The following BRMS1L variants were observed in gnomAD, a reference collection of about 807,000 sequenced individuals.
BRMS1L encodes BRMS1 like transcriptional repressor.
BRMS1L carries 23 observed loss-of-function variants against 50.3 expected under a neutral mutation model. The observed-to-expected ratio is 0.46, with a 90% confidence interval of 0.33 to 0.65. BRMS1L has a LOEUF of 0.65. BRMS1L is among the 30% of genes least tolerant of loss of function. The pLI, the probability that BRMS1L is intolerant of heterozygous loss-of-function variation, is 0.02. For missense variants in BRMS1L, 286 were observed against 386.1 expected, an observed-to-expected ratio of 0.74 and a Z score of 2.17; for synonymous variants, 114 against 126.9, an observed-to-expected ratio of 0.90 and a Z score of 0.69.
At chr14:35,834,712 CAA>C (rs1234197432) in intron 3 of BRMS1L, 130 bp from the exon 4 acceptor site, 1 of 455,712 alleles carries the variant, frequency 2.2e-6, no homozygotes, top group African/African-American at 2.0e-5. Context: ...TCTTTAAAGA[CAA>C]AGTTAGACTC....
intron 4 of BRMS1L, among the ~76,000 whole-genome samples, chr14:35,847,646 T>G (rs754685353): frequency 4.6e-5 from 7 of 152,232 alleles, no homozygotes; most frequent in Non-Finnish European, 1.0e-4. Context: ...ATAGGCACAA[T>G]GTTGTATGGC....
intron 7 of BRMS1L, 66 bp from the exon 8 acceptor site, chr14:35,865,656 A>G: frequency 8.1e-7 from 1 of 1,234,194 alleles, no homozygotes; most frequent in Non-Finnish European, 1.1e-6. Flanking sequence ...TTAAATAGAT[A>G]CCAAAATATA....
chr14:35,853,818 T>C (rs2078245255), intron 4 of BRMS1L, among the ~76,000 whole-genome samples: 1 of 152,206 alleles, frequency 6.6e-6, no homozygotes. Context: ...TTGGAGGGGC[T>C]AATTTATCAA....
At chr14:35,840,864 A>G (rs765022655) in intron 4 of BRMS1L, among the ~76,000 whole-genome samples, 2 of 150,946 alleles carry the variant, frequency 1.3e-5, no homozygotes, top group African/African-American at 2.4e-5. Context: ...TTCTGCTCCA[A>G]TCTTTGTTAT....
Position 35,842,222 on chromosome 14 carries a change from A to T in BRMS1L, c.441+7299A>T, listed in dbSNP as rs138951919. Among the ~76,000 whole-genome samples the T allele has an allele frequency of 5.9e-5, 9 of 152,214 alleles. No homozygotes were observed. The East Asian group carries it at 1.7e-3, about 29-fold the overall frequency. ...GTGTGAATTTGATCCTGTCATTATGATGCTGTCTGGTTATTTTGCCTGTTA... is the reference window on the plus strand; with the variant it reads ...GTGTGAATTTGATCCTGTCATTATGTTGCTGTCTGGTTATTTTGCCTGTTA... On this transcript the variant is annotated intron_variant, in intron 4 of 9. Coordinates refer to ENST00000216807, the MANE Select transcript of BRMS1L (RefSeq NM_032352.4).
Position 35,871,217 on chromosome 14 carries a change from G to T in BRMS1L, c.*740G>T, listed in dbSNP as rs930161569. ...CTTTAGCGGCAGGTATTTATACCTG[G>T]TATTTATGATGCAGTATATAAGTGG... is the stretch of plus-strand genomic sequence containing the variant. On this transcript the variant is annotated 3_prime_UTR_variant, in exon 10 of 10. Coordinates refer to ENST00000216807, the MANE Select transcript of BRMS1L (RefSeq NM_032352.4). 2 of 152,474 alleles carry T rather than the reference G, an allele frequency of 1.3e-5. No homozygotes were observed. Among genetic ancestry groups the T allele is most frequent in the Non-Finnish European group, 2.9e-5 (2 of 67,998 alleles). 9.4% of individuals were successfully genotyped at this position (152,474 alleles called of 1,614,324 possible).
chr14:35,867,892 A>G lies in BRMS1L; in HGVS notation c.728-14A>G. The G allele has an allele frequency of 6.4e-7, 1 of 1,567,284 alleles. No homozygotes were observed. The highest frequency in any genetic ancestry group is 8.6e-7 in the Non-Finnish European group (1 of 1,165,090). On this transcript the variant is annotated splice_polypyrimidine_tract_variant and intron_variant, in intron 8 of 9. Transcript: ENST00000216807. ...GTTTTATTAATATAACAGTTTTTGA[A>G]CTGATCCCTTTAGCACCTGTGAAAC... is the stretch of plus-strand genomic sequence containing the variant.
intron 4 of BRMS1L, among the ~76,000 whole-genome samples, chr14:35,846,106 G>A (rs367682910): frequency 1.3e-5 from 2 of 152,150 alleles, no homozygotes; most frequent in Admixed American, 6.5e-5. Context: ...CAGGAAATGC[G>A]TTGGGTGCAG....
At position 35,849,570 on chromosome 14, in the gene BRMS1L, A is replaced by AT. The variant is rs552363344; in HGVS notation, c.442-13018dup. ...CAGCTTGGTCTCTCAAAATGTAGAA[A>AT]TTACAGGCATGAACCACTGCACCCA... is the stretch of plus-strand genomic sequence containing the variant. On this transcript the variant is annotated intron_variant, in intron 4 of 9. Coordinates refer to ENST00000216807, the MANE Select transcript of BRMS1L (RefSeq NM_032352.4). 1.2e-4 allele frequency among the ~76,000 whole-genome samples: 19 copies of AT among 152,180 alleles called. No homozygotes were observed. In the East Asian group the frequency reaches 3.1e-3, roughly 25 times the overall value.
chr14:35,870,142 C>T (rs994130497), intron 9 of BRMS1L, among the ~76,000 whole-genome samples: 3 of 149,268 alleles, frequency 2.0e-5, no homozygotes, highest in Non-Finnish European at 4.4e-5. Context: ...GTAAATTTTA[C>T]GAACTCTATT....
intron 4 of BRMS1L, among the ~76,000 whole-genome samples, chr14:35,853,915 G>A (rs1327800574): frequency 6.6e-6 from 1 of 151,936 alleles, no homozygotes; most frequent in East Asian, 1.9e-4. Flanking sequence ...TTTAATAATT[G>A]CCTTAAATTT....
chr14:35,851,292 A>G (rs572331094), intron 4 of BRMS1L, among the ~76,000 whole-genome samples: 9 of 152,270 alleles, frequency 5.9e-5, no homozygotes, highest in African/African-American at 2.2e-4. Flanking sequence ...CATTCCTGCA[A>G]TGGAGTACCA....
rs150851594 is a variant in BRMS1L, at chr14:35,852,900, C to T, written c.442-9690C>T. ...GAGCCGAGATAGTGTCACTGCTGTCCGGCCTGGGCGAAAGAGCGAGGCTCC... is the reference window on the plus strand; with the variant it reads ...GAGCCGAGATAGTGTCACTGCTGTCTGGCCTGGGCGAAAGAGCGAGGCTCC... On this transcript the variant is annotated intron_variant, in intron 4 of 9. Coordinates refer to ENST00000216807, the MANE Select transcript of BRMS1L (RefSeq NM_032352.4). 2.5e-3 allele frequency among the ~76,000 whole-genome samples: 375 copies of T among 151,884 alleles called. 2 individuals carry two copies. The highest frequency in any genetic ancestry group is 8.4e-3 in the African/African-American group (349 of 41,406).
intron 4 of BRMS1L, among the ~76,000 whole-genome samples, chr14:35,843,151 A>C (rs1290452796): frequency 6.6e-6 from 1 of 152,140 alleles, no homozygotes; most frequent in Non-Finnish European, 1.5e-5. Context: ...CGAGTTAGTT[A>C]TTACCCACCT....
At position 35,862,635 on chromosome 14, in the gene BRMS1L, G is replaced by T; in HGVS notation, c.487G>T (p.Glu163Ter). The T allele has an allele frequency of 1.2e-6, 2 of 1,612,098 alleles. No homozygotes were observed. Among genetic ancestry groups the T allele is most frequent in the South Asian group, 1.1e-5 (1 of 90,810 alleles). ...TGATACAGTCCAGAGTGAACTAGAG[G>T]AGAAGATAAGAAGGCTTGAAGAGGA... ...LYDTVQSELE[E>*]KIRRLEEDRH... The change falls in exon 5 of 10, where the codon GAG becomes TAG. Residue 163 changes from glutamate (E) to a stop codon, truncating the protein, a stop_gained. Coordinates refer to ENST00000216807, the MANE Select transcript of BRMS1L (RefSeq NM_032352.4). LOFTEE classifies it high-confidence loss of function.
intron 1 of BRMS1L, among the ~76,000 whole-genome samples, chr14:35,828,120 A>C (rs981271562): frequency 1.3e-5 from 2 of 152,150 alleles, no homozygotes; most frequent in African/African-American, 4.8e-5. Context: ...TAGAAAAGTG[A>C]AAGATTTGAG....
chr14:35,840,690 G>A (rs1214525994), intron 4 of BRMS1L, among the ~76,000 whole-genome samples: 1 of 152,150 alleles, frequency 6.6e-6, no homozygotes, highest in Non-Finnish European at 1.5e-5. Flanking sequence ...ATGGTAGTTT[G>A]TATTTCTGTG....
At chr14:35,868,073 C>T (rs757763672) in intron 9 of BRMS1L, 41 bp downstream of exon 9, 2 of 1,543,732 alleles carry the variant, frequency 1.3e-6, no homozygotes, top group Admixed American at 4.2e-5. Context: ...TCAGTATTGT[C>T]ATTTACAACA....
At chr14:35,860,068 A>AAAG (rs2078330060) in intron 4 of BRMS1L, among the ~76,000 whole-genome samples, 1 of 152,126 alleles carries the variant, frequency 6.6e-6, no homozygotes, top group Non-Finnish European at 1.5e-5. Context: ...TAGTCCATTT[A>AAAG]CTTTTATGTG....
Sources: gnomAD v4.1 joint callset for allele counts (sites outside exome capture counted in the v4.1 genomes callset) on GRCh38, gnomAD v4.1.1 for gene constraint, MANE v1.5 for transcripts, NCBI Gene and HGNC (gene_info 2026-07-23, HGNC 2026-07-21) for gene names.